EP300: variants seen among roughly 807,000 people sequenced by gnomAD.
EP300 encodes the protein EP300 lysine acetyltransferase.
A neutral mutation model predicts 264.0 loss-of-function variants in EP300; 31 were observed. The ratio of observed to expected loss-of-function variants is 0.12; its 90% CI spans 0.09 to 0.16. EP300 has a LOEUF of 0.16. EP300 is among the 10% of genes least tolerant of loss of function. The pLI is 1.00. For synonymous variants in EP300, 1,340 were observed against 1,045.4 expected, an observed-to-expected ratio of 1.28 and a Z score of -5.44; for missense variants, 2,766 against 3,052.9, an observed-to-expected ratio of 0.91 and a Z score of 2.21.
chr22:41,100,152 T>C (rs1193565785), intron 1 of EP300, among the ~76,000 whole-genome samples: 1 of 152,182 alleles, frequency 6.6e-6, no homozygotes, highest in East Asian at 1.9e-4. Context: ...GAGGATCTCT[T>C]GAGCCCAGGA....
chr22:41,177,291 C>A lies in EP300; in HGVS notation c.5580C>A (p.Gly1860=), dbSNP rs1203789722. The change falls in exon 31 of 31, where the codon GGC becomes GGA. Residue 1860 remains glycine (G), a synonymous_variant. Coordinates refer to ENST00000263253, the MANE Select transcript of EP300 (RefSeq NM_001429.4). ...CTGCCACTCCAACGACACCAACTGG[C>A]CAACAGCCAACCACCCCGCAGACGC... ...PTPATPTTPT[G]QQPTTPQTPQ... 1 of 1,614,098 alleles carries A rather than the reference C, an allele frequency of 6.2e-7. No homozygotes were observed. Among genetic ancestry groups the A allele is most frequent in the Non-Finnish European group, 8.5e-7 (1 of 1,180,016 alleles).
intron 1 of EP300, among the ~76,000 whole-genome samples, chr22:41,112,478 C>T (rs1447686209): frequency 1.3e-5 from 2 of 152,180 alleles, no homozygotes; most frequent in African/African-American, 4.8e-5. Context: ...GGATTACAGG[C>T]GTGAGCCACT....
At chr22:41,146,965 G>A (rs1260144167) in intron 11 of EP300, 149 bp downstream of exon 11, 1 of 734,704 alleles carries the variant, frequency 1.4e-6, no homozygotes, top group African/African-American at 1.7e-5. Flanking sequence ...CAGGTTGGCT[G>A]GCAGATCACA....
Position 41,164,035 on chromosome 22 carries a change from T to TTGGC in EP300, c.3729-16_3729-13dup. 1 of 1,612,888 alleles carries TTGGC rather than the reference T, an allele frequency of 6.2e-7. No homozygotes were observed. Among genetic ancestry groups the TTGGC allele is most frequent in the Non-Finnish European group, 8.5e-7 (1 of 1,178,834 alleles). The stretch of plus-strand genomic sequence containing the variant: ...TTAAGGTTTGGGGTTAATTTTGGAA[T>TTGGC]TGGCTCTGCTCTTCCAGGTTTGTTG... On this transcript the variant is annotated splice_polypyrimidine_tract_variant and intron_variant, in intron 21 of 30. Transcript: ENST00000263253.
At position 41,149,048 on chromosome 22, in the gene EP300, A is replaced by G. The variant is rs755815528; in HGVS notation, c.2252A>G (p.Tyr751Cys). 1.5e-5 allele frequency: 24 copies of G among 1,610,970 alleles called. No individual in the cohort carries two copies. Among genetic ancestry groups the G allele is most frequent in the East Asian group, 4.5e-5 (2 of 44,806 alleles). ...TTTTTTTTTTTTCAGCCTATGGGCTATGGGCCTCGTATGCAACAGCCTTCC... is the reference window on the plus strand; with the variant it reads ...TTTTTTTTTTTTCAGCCTATGGGCTGTGGGCCTCGTATGCAACAGCCTTCC... ...QPGALNPPMG[Y>C]GPRMQQPSNQ... Residue 751 changes from tyrosine (Y) to cysteine (C), a missense_variant, in exon 13 of 31, where the codon TAT becomes TGT. Coordinates refer to ENST00000263253, the MANE Select transcript of EP300 (RefSeq NM_001429.4).
At chr22:41,174,157 C>T (rs567947007) in intron 29 of EP300, among the ~76,000 whole-genome samples, 11 of 152,174 alleles carry the variant, frequency 7.2e-5, no homozygotes, top group South Asian at 4.2e-4. Flanking sequence ...GTTCGCTGGG[C>T]GTGGTGGCTC....
intron 21 of EP300, 45 bp downstream of exon 21, chr22:41,162,824 T>C (rs371509857): frequency 2.2e-5 from 33 of 1,533,936 alleles, no homozygotes; most frequent in Non-Finnish European, 2.8e-5. Flanking sequence ...TGGCTTTTCT[T>C]TTTCCCTTTC....
At chr22:41,156,317 T>C (rs780687103) in intron 17 of EP300, among the ~76,000 whole-genome samples, 2 of 152,188 alleles carry the variant, frequency 1.3e-5, no homozygotes, top group African/African-American at 2.4e-5. Flanking sequence ...CCGGCCACTT[T>C]CGTTGTTTCA....
chr22:41,151,891 G>A lies in EP300; in HGVS notation c.2876G>A (p.Ser959Asn). The change falls in exon 15 of 31, where the codon AGC (serine) becomes AAC (asparagine). Residue 959 changes from serine (S) to asparagine (N), a missense_variant. By Grantham distance (46) the Ser-to-Asn change is conservative. Coordinates refer to ENST00000263253, the MANE Select transcript of EP300 (RefSeq NM_001429.4). ...GTATCAAATCCTCCATCTACTAGTAGCACAGAAGTGAATTCTCAGGCCATT... is the reference window on the plus strand; with the variant it reads ...GTATCAAATCCTCCATCTACTAGTAACACAGAAGTGAATTCTCAGGCCATT... Reference protein sequence around the residue: ...GQVSNPPSTSSTEVNSQAIAE... With the variant: ...GQVSNPPSTSNTEVNSQAIAE... 7 of 1,614,088 alleles carry A rather than the reference G, an allele frequency of 4.3e-6. No homozygotes were observed. Among genetic ancestry groups the A allele is most frequent in the Non-Finnish European group, 5.9e-6 (7 of 1,180,012 alleles).
intron 16 of EP300, among the ~76,000 whole-genome samples, chr22:41,152,844 A>C (rs543381011): frequency 1.3e-5 from 2 of 151,362 alleles, no homozygotes; most frequent in Non-Finnish European, 2.9e-5. Context: ...TGCAACCTCC[A>C]CCTCCCAGGT....
intron 1 of EP300, among the ~76,000 whole-genome samples, chr22:41,094,070 G>C (rs1047732263): frequency 6.6e-6 from 1 of 152,206 alleles, no homozygotes; most frequent in African/African-American, 2.4e-5. Context: ...TCCTTTGTCA[G>C]GAGAAGTTCA....
At chr22:41,108,709 C>G (rs1339376324) in intron 1 of EP300, among the ~76,000 whole-genome samples, 1 of 152,108 alleles carries the variant, frequency 6.6e-6, no homozygotes, top group Non-Finnish European at 1.5e-5. Flanking sequence ...TGTATTGGAG[C>G]ATCATTAAAG....
chr22:41,136,488 TCTC>T (rs2058951599), intron 7 of EP300, among the ~76,000 whole-genome samples: 1 of 152,172 alleles, frequency 6.6e-6, no homozygotes, highest in African/African-American at 2.4e-5. Flanking sequence ...CAAGACGTCT[TCTC>T]TACAAGAAAA....
At chr22:41,152,034 T>G (rs1042911784) in intron 15 of EP300, 22 bp downstream of exon 15, 30 of 1,613,802 alleles carry the variant, frequency 1.9e-5, no homozygotes, top group Non-Finnish European at 2.5e-5. Context: ...GCAATTACTG[T>G]TTGATTTGGT....
chr22:41,167,818 TTTTTTTTG>T (rs1228014164), intron 23 of EP300, among the ~76,000 whole-genome samples: 905 of 42,232 alleles, frequency 0.021, 93 homozygotes, highest in East Asian at 0.13. Flanking sequence ...GTTTTTGTTT[TTTTTTTTG>T]TTTTTTTTTT....
chr22:41,163,968 C>G lies in EP300; in HGVS notation c.3729-85C>G, dbSNP rs933740511. 1.7e-4 allele frequency: 217 copies of G among 1,261,250 alleles called. 2 individuals are homozygous for G. In the Admixed American group the frequency reaches 3.6e-3, roughly 21 times the overall value. The allele number at this position is 1,261,250 out of a possible 1,614,324, so 78.1% of individuals were successfully genotyped here. A position where few individuals can be genotyped will look rare whatever the true frequency, so the allele number is the denominator to read the frequency against. Reference sequence around the variant, plus strand: ...GTTCTTTGGTCATGACCTTGGCTGTCTTTGTCAGAAGTCATGGGAAATATT... The same window carrying G: ...GTTCTTTGGTCATGACCTTGGCTGTGTTTGTCAGAAGTCATGGGAAATATT... On this transcript the variant is annotated intron_variant, in intron 21 of 30. Transcript: ENST00000263253.
intron 12 of EP300, among the ~76,000 whole-genome samples, chr22:41,148,638 T>C (rs2059025746): frequency 6.6e-6 from 1 of 152,222 alleles, no homozygotes; most frequent in African/African-American, 2.4e-5. Flanking sequence ...ATTTTCTTGT[T>C]TTTACATATT....
intron 2 of EP300, among the ~76,000 whole-genome samples, chr22:41,123,002 C>T (rs2058861064): frequency 6.6e-6 from 1 of 152,134 alleles, no homozygotes. Flanking sequence ...TGCAACTGCA[C>T]TCCAACCTAG....
chr22:41,147,985 C>A (rs1371102241), intron 12 of EP300, 39 bp downstream of exon 12: 4 of 1,419,008 alleles, frequency 2.8e-6, no homozygotes, highest in Non-Finnish European at 3.9e-6. Context: ...TGGCCTTTAC[C>A]TGGTATTTTG....
Sources: allele counts gnomAD v4.1 joint callset (sites outside exome capture counted in the v4.1 genomes callset), GRCh38; gene constraint gnomAD v4.1.1; transcripts MANE v1.5; gene names NCBI Gene and HGNC (gene_info 2026-07-23, HGNC 2026-07-21).